MYO5B: variants seen among roughly 807,000 people sequenced by gnomAD.
The protein encoded by MYO5B is myosin VB, also known as unconventional myosin-Vb.
Under a neutral mutation model 229.3 loss-of-function variants are expected in MYO5B, and 143 were observed. The ratio of observed to expected loss-of-function variants is 0.62; its 90% CI spans 0.54 to 0.72. The LOEUF is 0.72. Ranked by LOEUF, MYO5B falls within the 30% of genes least tolerant of loss-of-function variation. The probability of loss-of-function intolerance (pLI) is 0.00; values close to 1 mark genes in which losing one functional copy is unlikely to be tolerated. For synonymous variants in MYO5B, 918 were observed against 885.2 expected, an observed-to-expected ratio of 1.04 and a Z score of -0.66; for missense variants, 2,321 against 2,331.0, an observed-to-expected ratio of 1.00 and a Z score of 0.09.
At chr18:50,113,167 A>G (rs1229706264) in intron 1 of MYO5B, among the ~76,000 whole-genome samples, 2 of 151,994 alleles carry the variant, frequency 1.3e-5, no homozygotes, top group East Asian at 1.9e-4. Context: ...ATCCATTCTC[A>G]AAAAATATTT....
At chr18:50,142,378 C>G (rs940686905) in intron 1 of MYO5B, among the ~76,000 whole-genome samples, 4 of 152,188 alleles carry the variant, frequency 2.6e-5, no homozygotes, top group Non-Finnish European at 5.9e-5. Flanking sequence ...CCAAGTTAAA[C>G]TGTAAGGAAG....
intron 18 of MYO5B, among the ~76,000 whole-genome samples, chr18:49,910,300 G>A (rs1293996609): frequency 2.6e-5 from 4 of 152,218 alleles, no homozygotes; most frequent in Non-Finnish European, 5.9e-5. Flanking sequence ...GGAATCAGAG[G>A]TCTTGGTGGT....
At chr18:49,854,449 A>C (rs1208668398) in intron 30 of MYO5B, among the ~76,000 whole-genome samples, 1 of 152,248 alleles carries the variant, frequency 6.6e-6, no homozygotes, top group African/African-American at 2.4e-5. Flanking sequence ...ATGAAGGCTC[A>C]CAGGCAGCCG....
rs139115588 is a variant in MYO5B, at chr18:49,825,364, G to A, written c.*1107C>T. On this transcript the variant is annotated 3_prime_UTR_variant, in exon 40 of 40. Coordinates refer to ENST00000285039, the MANE Select transcript of MYO5B (RefSeq NM_001080467.3). ...TTTTTGTGTGCTAAATTTGAAAAAC[G>A]TTGAAAATAACCTGAAAAGGGAAAG... is the stretch of plus-strand genomic sequence containing the variant. 2.6e-5 allele frequency: 4 copies of A among 151,584 alleles called. No homozygotes were observed. The East Asian group carries it at 5.8e-4, about 22-fold the overall frequency. The allele number at this position is 151,584 out of a possible 1,614,324, so 9.4% of individuals were successfully genotyped here.
intron 1 of MYO5B, among the ~76,000 whole-genome samples, chr18:50,114,536 G>T (rs922615966): frequency 2.0e-5 from 3 of 152,196 alleles, no homozygotes; most frequent in Non-Finnish European, 4.4e-5. Flanking sequence ...GCCTTGGAGA[G>T]AATCACATTT....
At chr18:49,834,065 T>C (rs1419193352) in intron 39 of MYO5B, among the ~76,000 whole-genome samples, 2 of 152,246 alleles carry the variant, frequency 1.3e-5, no homozygotes, top group Non-Finnish European at 2.9e-5. Context: ...AAAGTTCATT[T>C]AGGCTTTTTT....
intron 39 of MYO5B, among the ~76,000 whole-genome samples, chr18:49,832,294 C>T (rs1028909332): frequency 6.6e-6 from 1 of 152,176 alleles, no homozygotes; most frequent in African/African-American, 2.4e-5. Flanking sequence ...ACACAGAGTA[C>T]CATCACTGGC....
intron 27 of MYO5B, among the ~76,000 whole-genome samples, chr18:49,865,065 C>G (rs546355396): frequency 4.6e-5 from 7 of 152,338 alleles, no homozygotes; most frequent in Admixed American, 3.3e-4. Context: ...TGATCACACA[C>G]AAACTGCCGG....
At chr18:49,861,585 C>T (rs570284419) in intron 29 of MYO5B, among the ~76,000 whole-genome samples, 185 of 152,328 alleles carry the variant, frequency 1.2e-3, no homozygotes, top group African/African-American at 4.0e-3. Flanking sequence ...AAGAATTATA[C>T]CTCTCTTGAA....
intron 5 of MYO5B, among the ~76,000 whole-genome samples, chr18:50,000,953 A>T (rs2026039944): frequency 6.6e-6 from 1 of 152,208 alleles, no homozygotes; most frequent in Admixed American, 6.5e-5. Context: ...TGATGTCAGC[A>T]GGGAAGGGGA....
chr18:50,103,153 GGGCAAAGCTCTCTGGGCATTTT>G (rs1241643657), intron 1 of MYO5B, among the ~76,000 whole-genome samples: 4 of 152,226 alleles, frequency 2.6e-5, no homozygotes, highest in Admixed American at 2.6e-4. Flanking sequence ...CCCACTTTGT[GGGCAAAGCTCTCTGGGCATTTT>G]GGCAAAGCCA....
intron 22 of MYO5B, among the ~76,000 whole-genome samples, chr18:49,892,610 T>G (rs965228336): frequency 9.9e-5 from 15 of 152,222 alleles, no homozygotes; most frequent in Admixed American, 9.2e-4. Flanking sequence ...AATTGTCTGA[T>G]TACTCAGCAT....
At chr18:49,889,789 C>G (rs539234656) in intron 22 of MYO5B, among the ~76,000 whole-genome samples, 47 of 152,296 alleles carry the variant, frequency 3.1e-4, no homozygotes, top group African/African-American at 1.1e-3. Flanking sequence ...TGAATGCCAC[C>G]TAAGAACATG....
At chr18:49,957,692 A>AAC (rs2025511232) in intron 12 of MYO5B, among the ~76,000 whole-genome samples, 1 of 150,992 alleles carries the variant, frequency 6.6e-6, no homozygotes, top group African/African-American at 2.4e-5. Flanking sequence ...CAAAAAAAAA[A>AAC]AAAAAACCAG....
chr18:49,916,489 G>A (rs1568029982), intron 17 of MYO5B, among the ~76,000 whole-genome samples: 10 of 152,212 alleles, frequency 6.6e-5, no homozygotes, highest in African/African-American at 9.6e-5. Flanking sequence ...GAGATGGGGC[G>A]TATGGAGAGC....
At chr18:50,002,423 A>G (rs950723032) in intron 4 of MYO5B, among the ~76,000 whole-genome samples, 5 of 152,140 alleles carry the variant, frequency 3.3e-5, no homozygotes, top group Non-Finnish European at 5.9e-5. Context: ...CAGACAAGCA[A>G]CGGAAAGAAC....
intron 1 of MYO5B, among the ~76,000 whole-genome samples, chr18:50,057,718 C>A (rs1391578419): frequency 1.3e-5 from 2 of 152,138 alleles, no homozygotes; most frequent in Non-Finnish European, 2.9e-5. Context: ...TTGTCCCATA[C>A]CCACAAAACC....
chr18:50,072,480 CA>C (rs1430407788), intron 1 of MYO5B, among the ~76,000 whole-genome samples: 3 of 152,142 alleles, frequency 2.0e-5, no homozygotes, highest in Non-Finnish European at 4.4e-5. Flanking sequence ...ACGCTGGCCC[CA>C]AACCTAACTG....
At chr18:49,992,960 C>A (rs1480880986) in intron 5 of MYO5B, among the ~76,000 whole-genome samples, 1 of 152,170 alleles carries the variant, frequency 6.6e-6, no homozygotes, top group East Asian at 1.9e-4. Flanking sequence ...TCCCAACTGA[C>A]AAATAATACC....
Sources: allele counts gnomAD v4.1 joint callset (sites outside exome capture counted in the v4.1 genomes callset), GRCh38; gene constraint gnomAD v4.1.1; transcripts MANE v1.5; gene names NCBI Gene and HGNC (gene_info 2026-07-23, HGNC 2026-07-21).